BCKDHB: variants seen among roughly 807,000 people sequenced by gnomAD.
The protein encoded by BCKDHB is 2-oxoisovalerate dehydrogenase subunit beta, mitochondrial.
Under a neutral mutation model 48.5 loss-of-function variants are expected in BCKDHB, and 41 were observed. That is an observed-to-expected ratio of 0.85 (90% CI 0.66 to 1.10). The LOEUF (loss-of-function observed/expected upper bound fraction) is 1.10. Among genes scored for constraint, BCKDHB ranks in the 50% least tolerant of loss-of-function variants. The pLI, the probability that BCKDHB is intolerant of heterozygous loss-of-function variation, is 0.00. For missense variants in BCKDHB, 496 were observed against 494.2 expected (o/e 1.00, Z -0.03); for synonymous variants, 201 against 174.8 (o/e 1.15, Z -1.18).
the BCKDHB span, among the ~76,000 whole-genome samples, chr6:80,370,125 A>G: frequency 6.6e-6 from 1 of 152,202 alleles, no homozygotes; most frequent in Non-Finnish European, 1.5e-5. Context: ...TCCTACCTTC[A>G]GAAAATGAAT....
At chr6:80,196,636 G>GTA (rs111854597) in intron 6 of BCKDHB, among the ~76,000 whole-genome samples, 27 of 151,350 alleles carry the variant, frequency 1.8e-4, no homozygotes, top group East Asian at 9.7e-4. Flanking sequence ...ATTAAACTTG[G>GTA]TATATATATA....
chr6:80,189,699 A>T (rs1773805887), intron 6 of BCKDHB, among the ~76,000 whole-genome samples: 1 of 152,192 alleles, frequency 6.6e-6, no homozygotes. Context: ...TAAACTCTTA[A>T]GGCCATTAGG....
chr6:80,407,660 G>T, the BCKDHB span, among the ~76,000 whole-genome samples: 1 of 152,106 alleles, frequency 6.6e-6, no homozygotes, highest in East Asian at 1.9e-4. Flanking sequence ...CTGTTTGTCT[G>T]TTAGTGGTGT....
chr6:80,260,228 T>TGTGTGG (rs1491248385), intron 8 of BCKDHB, among the ~76,000 whole-genome samples: 3 of 151,618 alleles, frequency 2.0e-5, no homozygotes, highest in African/African-American at 7.3e-5. Flanking sequence ...TGTGTGTGTG[T>TGTGTGG]GGGGTAATAA....
At chr6:80,196,427 C>G (rs1432995864) in intron 6 of BCKDHB, among the ~76,000 whole-genome samples, 1 of 152,090 alleles carries the variant, frequency 6.6e-6, no homozygotes, top group African/African-American at 2.4e-5. Flanking sequence ...TGTTGCTTCC[C>G]TTTAGATTCC....
chr6:80,282,835 A>G (rs192356845), intron 9 of BCKDHB, among the ~76,000 whole-genome samples: 28 of 152,280 alleles, frequency 1.8e-4, no homozygotes, highest in Non-Finnish European at 1.5e-5. Context: ...GCTTTATTAT[A>G]TGTAGATGTT....
chr6:80,193,011 G>A (rs1690375398), intron 6 of BCKDHB, among the ~76,000 whole-genome samples: 1 of 151,794 alleles, frequency 6.6e-6, no homozygotes, highest in African/African-American at 2.4e-5. Context: ...AGTAGATATT[G>A]GATTTCACCA....
At chr6:80,295,831 C>T (rs546356958) in intron 9 of BCKDHB, among the ~76,000 whole-genome samples, 1 of 151,856 alleles carries the variant, frequency 6.6e-6, no homozygotes, top group African/African-American at 2.4e-5. Flanking sequence ...GAAGACCCAC[C>T]CCCATGATTC....
intron 8 of BCKDHB, among the ~76,000 whole-genome samples, chr6:80,215,803 G>T (rs1775145098): frequency 6.6e-6 from 1 of 152,040 alleles, no homozygotes; most frequent in Admixed American, 6.5e-5. Flanking sequence ...GAGTGCAGTG[G>T]CACGATCTCC....
intron 6 of BCKDHB, among the ~76,000 whole-genome samples, chr6:80,195,839 G>A (rs1774105818): frequency 6.6e-6 from 1 of 152,150 alleles, no homozygotes; most frequent in Admixed American, 6.5e-5. Flanking sequence ...AAACCAGACA[G>A]GCTTTCTCAG....
At chr6:80,352,340 G>A in the BCKDHB span, among the ~76,000 whole-genome samples, 1 of 151,946 alleles carries the variant, frequency 6.6e-6, no homozygotes, top group Non-Finnish European at 1.5e-5. Flanking sequence ...ATCTTTAACT[G>A]AAAAAGGGTG....
the BCKDHB span, among the ~76,000 whole-genome samples, chr6:80,399,282 G>A: frequency 5.4e-5 from 8 of 147,732 alleles, no homozygotes; most frequent in South Asian, 2.1e-4. Context: ...GAAAGAAAGA[G>A]CATCCAGATG....
chr6:80,276,185 G>A (rs1387847953), intron 9 of BCKDHB, among the ~76,000 whole-genome samples: 1 of 151,892 alleles, frequency 6.6e-6, no homozygotes, highest in Non-Finnish European at 1.5e-5. Flanking sequence ...TGCTCCACAG[G>A]CGATTTTTGA....
rs139559887 is a variant in BCKDHB, at chr6:80,204,665, ATC to A, written c.951+1455_951+1456del. 9.3e-3 allele frequency among the ~76,000 whole-genome samples: 1,414 copies of A among 152,134 alleles called. 29 individuals carry two copies. The highest frequency in any genetic ancestry group is 0.032 in the African/African-American group (1,345 of 41,494). On this transcript the variant is annotated intron_variant, in intron 8 of 9. Coordinates refer to ENST00000320393, the MANE Select transcript of BCKDHB (RefSeq NM_183050.4). ...CTTTTAGAACTTTATTTACGTATCTATCTATATATATATAAATAATACCTTAA... is the reference window on the plus strand; with the variant it reads ...CTTTTAGAACTTTATTTACGTATCTATATATATATATAAATAATACCTTAA...
At chr6:80,237,934 G>T (rs961576894) in intron 8 of BCKDHB, among the ~76,000 whole-genome samples, 5 of 152,144 alleles carry the variant, frequency 3.3e-5, no homozygotes, top group African/African-American at 4.8e-5. Flanking sequence ...AGAGAGCAAG[G>T]ATGTTGTGTA....
chr6:80,332,347 T>A (rs138617084), intron 9 of BCKDHB, among the ~76,000 whole-genome samples: 3 of 152,330 alleles, frequency 2.0e-5, no homozygotes, highest in Non-Finnish European at 4.4e-5. Flanking sequence ...TTCTGGTATG[T>A]GTTGCTTTAA....
At chr6:80,216,387 A>T (rs1228220900) in intron 8 of BCKDHB, among the ~76,000 whole-genome samples, 1 of 152,232 alleles carries the variant, frequency 6.6e-6, no homozygotes, top group South Asian at 2.1e-4. Context: ...TGTGTTTTAC[A>T]GGTGGGCAAA....
chr6:80,414,267 G>C, the BCKDHB span, among the ~76,000 whole-genome samples: 10 of 152,102 alleles, frequency 6.6e-5, no homozygotes, highest in Non-Finnish European at 1.3e-4. Flanking sequence ...TCTATTGATA[G>C]CTTCCTTTGC....
chr6:80,392,369 T>TTTTA, the BCKDHB span, among the ~76,000 whole-genome samples: 2,468 of 152,074 alleles, frequency 0.016, 60 homozygotes, highest in African/African-American at 0.057. Context: ...TGTATTTTTT[T>TTTTA]TTTATTTATT....
Sources: allele counts gnomAD v4.1 joint callset (sites outside exome capture counted in the v4.1 genomes callset), GRCh38; gene constraint gnomAD v4.1.1; transcripts MANE v1.5; gene names NCBI Gene and HGNC (gene_info 2026-07-23, HGNC 2026-07-21).